ARHGAP25: variants seen among roughly 807,000 people sequenced by gnomAD.
The protein encoded by ARHGAP25 is Rho GTPase activating protein 25.
In ARHGAP25, 34 loss-of-function variants were observed where a neutral mutation model predicts 71.0. That is an observed-to-expected ratio of 0.48 (90% confidence interval 0.36 to 0.64). The LOEUF is 0.64. Ranked by LOEUF, ARHGAP25 falls within the 30% of genes least tolerant of loss-of-function variation. The pLI is 0.00. For synonymous variants in ARHGAP25, 282 were observed against 296.5 expected, an observed-to-expected ratio of 0.95 and a Z score of 0.50; for missense variants, 706 against 805.1, an observed-to-expected ratio of 0.88 and a Z score of 1.49.
intron 2 of ARHGAP25, among the ~76,000 whole-genome samples, chr2:68,714,503 G>C (rs1229018962): frequency 6.6e-6 from 1 of 152,106 alleles, no homozygotes; most frequent in African/African-American, 2.4e-5. Context: ...TCTGATCTTA[G>C]TTATTTCTTG....
At chr2:68,812,811 T>G (rs4854521) in intron 5 of ARHGAP25, among the ~76,000 whole-genome samples, 4 of 152,130 alleles carry the variant, frequency 2.6e-5, no homozygotes, top group Non-Finnish European at 5.9e-5. Flanking sequence ...TAGGTTTTCT[T>G]GATGCTTATT....
intron 4 of ARHGAP25, among the ~76,000 whole-genome samples, chr2:68,790,699 A>G (rs940921750): frequency 6.6e-6 from 1 of 152,092 alleles, no homozygotes; most frequent in Non-Finnish European, 1.5e-5. Flanking sequence ...TTCTTGTCAA[A>G]TTACAGCACT....
intron 4 of ARHGAP25, among the ~76,000 whole-genome samples, chr2:68,794,141 G>A (rs1249747091): frequency 6.6e-6 from 1 of 152,174 alleles, no homozygotes; most frequent in South Asian, 2.1e-4. Context: ...TTTACTGAAA[G>A]CATTTATCAG....
At chr2:68,715,268 T>A (rs1041516348) in intron 2 of ARHGAP25, among the ~76,000 whole-genome samples, 1 of 152,198 alleles carries the variant, frequency 6.6e-6, no homozygotes, top group Non-Finnish European at 1.5e-5. Flanking sequence ...CCCAGACTTA[T>A]GGAATCAGAA....
chr2:68,722,014 G>T (rs1233339010), intron 2 of ARHGAP25, among the ~76,000 whole-genome samples: 1 of 152,160 alleles, frequency 6.6e-6, no homozygotes. Context: ...CACACCAAAG[G>T]TTTGTGGTCC....
chr2:68,751,849 G>C (rs1410139740), intron 1 of ARHGAP25, among the ~76,000 whole-genome samples: 2 of 152,202 alleles, frequency 1.3e-5, no homozygotes, highest in Non-Finnish European at 2.9e-5. Context: ...GCCTGCTGAA[G>C]GCTGGTCCTG....
chr2:68,811,217 G>A (rs1461710135), intron 5 of ARHGAP25, among the ~76,000 whole-genome samples: 1 of 152,226 alleles, frequency 6.6e-6, no homozygotes, highest in African/African-American at 2.4e-5. Flanking sequence ...AAGGATCAGT[G>A]TGACTTTAGG....
chr2:68,810,731 CTTT>C (rs539849992), intron 5 of ARHGAP25, among the ~76,000 whole-genome samples: 971 of 74,180 alleles, frequency 0.013, 4 homozygotes, highest in African/African-American at 0.059. Flanking sequence ...CTTTTCTTCT[CTTT>C]TTTTTTTTTT....
At chr2:68,781,809 C>A (rs546577874) in intron 2 of ARHGAP25, among the ~76,000 whole-genome samples, 4 of 152,256 alleles carry the variant, frequency 2.6e-5, no homozygotes, top group African/African-American at 9.6e-5. Context: ...AATACCCCAT[C>A]CCCTCCAATG....
chr2:68,812,564 C>T lies in ARHGAP25; in HGVS notation c.675-723C>T, dbSNP rs549517184. ...ATCTGACAAGTCACCTATGTGTTCC[C>T]ATCTCTGCCTTGGGTGTTCTTTTTC... On this transcript the variant is annotated intron_variant, in intron 5 of 10. Coordinates refer to ENST00000409202, the MANE Select transcript of ARHGAP25 (RefSeq NM_001007231.3). 3.3e-5 allele frequency among the ~76,000 whole-genome samples: 5 copies of T among 152,346 alleles called. 1 individual carries two copies. The highest frequency in any genetic ancestry group is 1.2e-4 in the African/African-American group (5 of 41,592).
intron 1 of ARHGAP25, among the ~76,000 whole-genome samples, chr2:68,746,761 C>T (rs559022376): frequency 1.3e-5 from 2 of 151,636 alleles, no homozygotes; most frequent in Non-Finnish European, 2.9e-5. Context: ...AATCCCAGTA[C>T]TTTGGGAGGC....
chr2:68,755,743 C>T (rs1023056309), intron 1 of ARHGAP25, among the ~76,000 whole-genome samples: 2 of 152,084 alleles, frequency 1.3e-5, no homozygotes, highest in African/African-American at 2.4e-5. Flanking sequence ...TAAGAAAATG[C>T]TAAGAAAGAG....
At chr2:68,732,209 G>A (rs1379553417), upstream of ARHGAP25, among the ~76,000 whole-genome samples, 2 of 152,092 alleles carry the variant, frequency 1.3e-5, no homozygotes, top group Admixed American at 6.5e-5. Flanking sequence ...GGGCCCTTGT[G>A]GGGAGTGTGC....
intron 3 of ARHGAP25, 109 bp downstream of exon 3, chr2:68,782,429 C>A: frequency 1.1e-6 from 1 of 939,870 alleles, no homozygotes; most frequent in Non-Finnish European, 1.7e-6. Context: ...AACTAACTAA[C>A]CAACCAGCCT....
chr2:68,788,324 A>G (rs1044772841), intron 4 of ARHGAP25, among the ~76,000 whole-genome samples: 4 of 152,232 alleles, frequency 2.6e-5, no homozygotes, highest in African/African-American at 9.6e-5. Flanking sequence ...GGTACCCAGC[A>G]GCACTGGCTC....
intron 8 of ARHGAP25, 33 bp downstream of exon 8, chr2:68,818,027 C>G (rs1260098073): frequency 1.2e-6 from 2 of 1,611,796 alleles, no homozygotes; most frequent in South Asian, 2.2e-5. Flanking sequence ...AGCAGGTACC[C>G]AGGAAATAAC....
At position 68,807,443 on chromosome 2, in the gene ARHGAP25, G is replaced by A; in HGVS notation, c.637G>A (p.Asp213Asn). The A allele has an allele frequency of 1.2e-6, 2 of 1,614,258 alleles. No individual in the cohort carries two copies. Among genetic ancestry groups the A allele is most frequent in the South Asian group, 1.1e-5 (1 of 91,090 alleles). Reference sequence around the variant, plus strand: ...GGACAACCTGGTGAAGCAGCTGAGAGACGCTTTTGATGCTGGGGAGCGGCC... The same window carrying A: ...GGACAACCTGGTGAAGCAGCTGAGAAACGCTTTTGATGCTGGGGAGCGGCC... ...GQDNLVKQLR[D>N]AFDAGERPSF... The change falls in exon 5 of 11, where the codon GAC becomes AAC. Residue 213 changes from aspartate to asparagine, a missense_variant. Transcript: ENST00000409202.
At chr2:68,792,360 A>T (rs139620864) in intron 4 of ARHGAP25, among the ~76,000 whole-genome samples, 1 of 152,172 alleles carries the variant, frequency 6.6e-6, no homozygotes, top group African/African-American at 2.4e-5. Flanking sequence ...CATCATCCAG[A>T]TAACACATAT....
chr2:68,755,990 A>C (rs1284628533), intron 1 of ARHGAP25, among the ~76,000 whole-genome samples: 1 of 152,218 alleles, frequency 6.6e-6, no homozygotes. Flanking sequence ...AATATAGCTC[A>C]TAGAGGATTA....
Sources: allele counts gnomAD v4.1 joint callset (sites outside exome capture counted in the v4.1 genomes callset), GRCh38; gene constraint gnomAD v4.1.1; transcripts MANE v1.5; gene names NCBI Gene and HGNC (gene_info 2026-07-23, HGNC 2026-07-21).